The following PDS5A variants were observed in gnomAD, a reference collection of about 807,000 sequenced individuals.
PDS5A encodes sister chromatid cohesion protein PDS5 homolog A.
In PDS5A, 42 loss-of-function variants were observed where a neutral mutation model predicts 167.1. That is an observed-to-expected ratio of 0.25 (90% CI 0.20 to 0.33). PDS5A has a LOEUF of 0.33. PDS5A is among the 10% of genes least tolerant of loss of function. The pLI, the probability that PDS5A is intolerant of heterozygous loss-of-function variation, is 1.00. For missense variants in PDS5A, 1,033 were observed against 1,605.9 expected (o/e 0.64, Z 6.10); for synonymous variants, 553 against 554.6 (o/e 1.00, Z 0.04).
intron 26 of PDS5A, among the ~76,000 whole-genome samples, chr4:39,861,201 C>T (rs1382313378): frequency 1.3e-5 from 2 of 151,984 alleles, no homozygotes; most frequent in African/African-American, 4.8e-5. Context: ...TGGCTCACGT[C>T]TGTAATCCCA....
intron 16 of PDS5A, among the ~76,000 whole-genome samples, chr4:39,892,806 G>GTT (rs1722087967): frequency 6.6e-6 from 1 of 152,144 alleles, no homozygotes. Flanking sequence ...TTGAAACTTG[G>GTT]TTAAAAGATG....
At chr4:39,946,751 C>T (rs1727809217) in intron 2 of PDS5A, among the ~76,000 whole-genome samples, 1 of 151,490 alleles carries the variant, frequency 6.6e-6, no homozygotes, top group South Asian at 2.1e-4. Context: ...CCTGTCTCTA[C>T]TAAAAATACA....
rs193084609 is a variant in PDS5A, at chr4:39,862,847, C to T, written c.2971+22G>A. ...TACATTGACAAAATATATTTGCACACGGAGAACTCTGAGTTACTTACCAGT... is the reference window on the plus strand; with the variant it reads ...TACATTGACAAAATATATTTGCACATGGAGAACTCTGAGTTACTTACCAGT... On this transcript the variant is annotated intron_variant, in intron 25 of 32. Coordinates refer to ENST00000303538, the MANE Select transcript of PDS5A (RefSeq NM_001100399.2). 1.2e-5 allele frequency: 17 copies of T among 1,458,270 alleles called. No homozygotes were observed. The Admixed American group carries it at 2.0e-4, about 17-fold the overall frequency. 90.3% of individuals were successfully genotyped at this position (1,458,270 alleles called of 1,614,324 possible). A position where few individuals can be genotyped will look rare whatever the true frequency, so the allele number is the denominator to read the frequency against.
intron 13 of PDS5A, 92 bp from the exon 14 acceptor site, chr4:39,900,599 A>G (rs1360802161): frequency 2.6e-6 from 2 of 763,768 alleles, no homozygotes; most frequent in African/African-American, 3.4e-5. Flanking sequence ...CTGTATATAC[A>G]CCATTCTTCT....
chr4:39,931,699 T>C (rs1341009394), intron 2 of PDS5A, among the ~76,000 whole-genome samples: 1 of 152,140 alleles, frequency 6.6e-6, no homozygotes, highest in Non-Finnish European at 1.5e-5. Context: ...AAAGCATACA[T>C]TGTCACTTCT....
intron 27 of PDS5A, 61 bp from the exon 28 acceptor site, chr4:39,849,031 T>C: frequency 5.4e-6 from 6 of 1,114,262 alleles, no homozygotes; most frequent in Non-Finnish European, 6.4e-6. Flanking sequence ...TAATTACCAA[T>C]TCCACTAAAT....
intron 2 of PDS5A, chr4:39,973,701 C>T (rs1321129458): frequency 3.9e-6 from 5 of 1,287,594 alleles, no homozygotes; most frequent in Non-Finnish European, 5.7e-6. Flanking sequence ...AAGAAGAGTG[C>T]CAGGCTCACT....
At position 39,913,698 on chromosome 4, in the gene PDS5A, A is replaced by G. The variant is rs1360072840; in HGVS notation, c.905T>C (p.Val302Ala). The G allele has an allele frequency of 6.2e-7, 1 of 1,606,110 alleles. No individual in the cohort carries two copies. The highest frequency in any genetic ancestry group is 1.7e-5 in the Admixed American group (1 of 60,010). Residue 302 changes from valine to alanine, a missense_variant, in exon 9 of 33, where the codon GTT becomes GCT. Val to Ala is a moderately conservative substitution (Grantham distance 64). Around this residue, in one of 4 missense-constraint regions of PDS5A, gnomAD observed 388 missense variants for 615.1 expected, o/e 0.63. Transcript: ENST00000303538. ...KSNDGEERLA[V>A]VRLLAKLFGS... ...AAACAATTTAGCTAGAAGTCGAACA[A>G]CAGCTAATCGCTCTTCTCCATCATT...
At chr4:39,942,951 CTG>C in intron 2 of PDS5A, among the ~76,000 whole-genome samples, 1 of 151,900 alleles carries the variant, frequency 6.6e-6, no homozygotes, top group South Asian at 2.1e-4. Context: ...AGGATGGGGG[CTG>C]TGTTTTACAT....
intron 7 of PDS5A, among the ~76,000 whole-genome samples, chr4:39,918,709 C>A (rs1188409083): frequency 6.6e-6 from 1 of 151,966 alleles, no homozygotes; most frequent in East Asian, 1.9e-4. Flanking sequence ...TAAAAATTAG[C>A]AGGGCGTGGT....
intron 2 of PDS5A, among the ~76,000 whole-genome samples, chr4:39,965,242 T>C (rs1041640597): frequency 8.5e-5 from 13 of 152,194 alleles, no homozygotes; most frequent in Non-Finnish European, 1.5e-5. Flanking sequence ...AGAAAGACTA[T>C]GTGGAAAACC....
At chr4:39,844,613 A>G in intron 30 of PDS5A, 43 bp downstream of exon 30, 1 of 1,524,496 alleles carries the variant, frequency 6.6e-7, no homozygotes, top group Non-Finnish European at 8.9e-7. Context: ...AGATAAACCA[A>G]GTAGTGAGTG....
At position 39,832,940 on chromosome 4, in the gene PDS5A, G is replaced by A. The variant is rs539107163; in HGVS notation, c.4010+4916C>T. Among the ~76,000 whole-genome samples the A allele has an allele frequency of 3.9e-5, 6 of 151,970 alleles. No homozygotes were observed. In the East Asian group the frequency reaches 1.2e-3, roughly 29 times the overall value. ...GGAGGCCAAGGTGGGTGGATCACCT[G>A]AGGTCAGGAGTTCAAGACCAGTCTG... On this transcript the variant is annotated intron_variant, in intron 32 of 32. Coordinates refer to ENST00000303538, the MANE Select transcript of PDS5A (RefSeq NM_001100399.2).
intron 21 of PDS5A, among the ~76,000 whole-genome samples, chr4:39,872,320 C>T (rs935849256): frequency 6.6e-6 from 1 of 151,774 alleles, no homozygotes; most frequent in African/African-American, 2.4e-5. Context: ...AGGATTACAG[C>T]TGCCGTCACC....
At chr4:39,914,286 C>T (rs959706864) in intron 8 of PDS5A, among the ~76,000 whole-genome samples, 9 of 151,226 alleles carry the variant, frequency 6.0e-5, no homozygotes, top group African/African-American at 1.5e-4. Context: ...CTCAGCCTCT[C>T]GAGTAGCTGG....
intron 16 of PDS5A, among the ~76,000 whole-genome samples, chr4:39,892,214 G>A (rs530483371): frequency 6.6e-6 from 1 of 152,204 alleles, no homozygotes; most frequent in Non-Finnish European, 1.5e-5. Context: ...CCGAGGTGAC[G>A]GATCGTTTGA....
chr4:39,928,197 A>C, intron 2 of PDS5A, 33 bp from the exon 3 acceptor site: 1 of 1,393,108 alleles, frequency 7.2e-7, no homozygotes, highest in Non-Finnish European at 1.0e-6. Flanking sequence ...AAAATAATTA[A>C]CTCCTGGAAT....
chr4:39,974,741 G>A (rs940217026), intron 2 of PDS5A, among the ~76,000 whole-genome samples: 3 of 151,898 alleles, frequency 2.0e-5, no homozygotes, highest in Admixed American at 6.6e-5. Flanking sequence ...TCCAGACCTC[G>A]GGTGATTTGC....
chr4:39,834,114 G>C (rs1180524488), intron 32 of PDS5A, among the ~76,000 whole-genome samples: 1 of 151,972 alleles, frequency 6.6e-6, no homozygotes, highest in African/African-American at 2.4e-5. Context: ...CTACCAGGGA[G>C]GTTGAGCCTG....
Sources: allele counts gnomAD v4.1 joint callset (sites outside exome capture counted in the v4.1 genomes callset), GRCh38; gene constraint gnomAD v4.1.1; regional missense constraint gnomAD v4.1.1; transcripts MANE v1.5; gene names NCBI Gene and HGNC (gene_info 2026-07-23, HGNC 2026-07-21).